ZNF121: variants seen among roughly 807,000 people sequenced by gnomAD.
ZNF121 encodes zinc finger protein 121 (clone ZHC32).
Under a neutral mutation model 2.4 loss-of-function variants are expected in ZNF121, and 1 was observed. That is an observed-to-expected ratio of 0.41 (90% CI 0.15 to 1.94). The LOEUF is 1.94. Ranked by LOEUF, ZNF121 falls within the 30% of genes most tolerant of loss-of-function variation. ZNF121 has a pLI of 0.30. For missense variants in ZNF121, 369 were observed against 466.3 expected (o/e 0.79, Z 1.92); for synonymous variants, 173 against 158.6 (o/e 1.09, Z -0.68).
At chr19:9,582,399 T>C (rs1169299007) in intron 1 of ZNF121, among the ~76,000 whole-genome samples, 2 of 152,166 alleles carry the variant, frequency 1.3e-5, no homozygotes, top group Non-Finnish European at 2.9e-5. Flanking sequence ...ACATTCCTTC[T>C]CCTGGACAAT....
At chr19:9,572,227 G>A (rs2074179320) in intron 1 of ZNF121, among the ~76,000 whole-genome samples, 1 of 152,162 alleles carries the variant, frequency 6.6e-6, no homozygotes, top group Admixed American at 6.6e-5. Flanking sequence ...TAAAAATTAG[G>A]CAGTTTCTGG....
Position 9,567,009 on chromosome 19 carries a change from G to A in ZNF121, c.104C>T (p.Thr35Ile). The change falls in exon 4 of 4, where the codon ACA (threonine) becomes ATA (isoleucine). Residue 35 changes from threonine to isoleucine, a missense_variant. Coordinates refer to ENST00000320451, the MANE Select transcript of ZNF121 (RefSeq NM_001008727.5). Reference sequence around the variant, plus strand: ...CTCATCACAGTCATAAGTGTCCCCTGTATTTTCAGTTCCCATGTGTGCATT... The same window carrying A: ...CTCATCACAGTCATAAGTGTCCCCTATATTTTCAGTTCCCATGTGTGCATT... ...CLNAHMGTEN[T>I]GDTYDCDEYG... 6.2e-7 allele frequency: 1 copy of A among 1,614,108 alleles called. No homozygotes were observed. The highest frequency in any genetic ancestry group is 1.1e-5 in the South Asian group (1 of 91,086).
Position 9,560,495 on chromosome 19 carries a change from C to G in ZNF121, c.*5445G>C, listed in dbSNP as rs1234126820. The G allele has an allele frequency of 6.6e-6, 1 of 152,202 alleles. No homozygotes were observed. The highest frequency in any genetic ancestry group is 2.4e-5 in the African/African-American group (1 of 41,454). 9.4% of individuals were successfully genotyped at this position (152,202 alleles called of 1,614,324 possible). A position where few individuals can be genotyped will look rare whatever the true frequency, so the allele number is the denominator to read the frequency against. ...GACACTCAATACCCATTGAACAACT[C>G]ATTTTCTCCTCCACCAGCTTGTGGC... On this transcript the variant is annotated 3_prime_UTR_variant, in exon 4 of 4. Coordinates refer to ENST00000320451, the MANE Select transcript of ZNF121 (RefSeq NM_001008727.5).
At chr19:9,570,553 C>T (rs2074166563) in intron 1 of ZNF121, among the ~76,000 whole-genome samples, 1 of 151,980 alleles carries the variant, frequency 6.6e-6, no homozygotes, top group African/African-American at 2.4e-5. Flanking sequence ...AGATGAGTTC[C>T]CTGGGTTTTT....
intron 1 of ZNF121, among the ~76,000 whole-genome samples, chr19:9,577,996 T>A (rs1272797235): frequency 1.4e-5 from 2 of 140,668 alleles, no homozygotes; most frequent in Non-Finnish European, 3.1e-5. Flanking sequence ...ATCAAGACCA[T>A]CCCGGCTAAC....
rs1387773933 is a variant in ZNF121 at position 9,564,025 on chromosome 19, A to C, written c.*1915T>G. On this transcript the variant is annotated 3_prime_UTR_variant, in exon 4 of 4. Transcript: ENST00000320451. ...CATGTCTGCTAACCGCAGCCCATGGATTCTGGAATAATTCTGACTTTCAAG... is the reference window on the plus strand; with the variant it reads ...CATGTCTGCTAACCGCAGCCCATGGCTTCTGGAATAATTCTGACTTTCAAG... The C allele has an allele frequency of 6.6e-6, 1 of 152,220 alleles. No individual in the cohort carries two copies. The highest frequency in any genetic ancestry group is 1.5e-5 in the Non-Finnish European group (1 of 68,042). The allele number at this position is 152,220 out of a possible 1,614,324, so 9.4% of individuals were successfully genotyped here.
intron 1 of ZNF121, among the ~76,000 whole-genome samples, chr19:9,569,534 TTTTG>T (rs1185802370): frequency 2.0e-5 from 3 of 151,664 alleles, no homozygotes; most frequent in Admixed American, 2.0e-4. Context: ...TGTTTTCTGG[TTTTG>T]TTTTTTTTTT....
Position 9,568,640 on chromosome 19 carries a change from C to T in ZNF121, c.-79+362G>A, listed in dbSNP as rs143142558. On this transcript the variant is annotated intron_variant, in intron 2 of 3. Transcript: ENST00000320451. ...CCACCCGCCTCAGCCTCCCAAAGTGCTGGGATTACAGGCATAAGCCACCAT... is the reference window on the plus strand; with the variant it reads ...CCACCCGCCTCAGCCTCCCAAAGTGTTGGGATTACAGGCATAAGCCACCAT... 7.7e-3 allele frequency among the ~76,000 whole-genome samples: 1,166 copies of T among 152,216 alleles called. 5 individuals carry two copies. Among genetic ancestry groups the T allele is most frequent in the Middle Eastern group, 0.031 (9 of 294 alleles).
chr19:9,582,213 C>T (rs1249591526), intron 1 of ZNF121, among the ~76,000 whole-genome samples: 6 of 152,208 alleles, frequency 3.9e-5, no homozygotes, highest in Non-Finnish European at 8.8e-5. Flanking sequence ...TGTCAGGCCT[C>T]TGAGCCGAAG....
intron 1 of ZNF121, among the ~76,000 whole-genome samples, chr19:9,583,023 C>A (rs953747420): frequency 7.9e-6 from 1 of 126,120 alleles, no homozygotes; most frequent in Non-Finnish European, 1.6e-5. Flanking sequence ...ACCAGCCTGG[C>A]GAGCATGGTG....
intron 1 of ZNF121, among the ~76,000 whole-genome samples, chr19:9,583,216 G>GA (rs1246515681): frequency 1.3e-5 from 2 of 149,962 alleles, no homozygotes; most frequent in Non-Finnish European, 3.0e-5. Context: ...GACTCCGTCT[G>GA]AAAAAAACAA....
intron 1 of ZNF121, among the ~76,000 whole-genome samples, chr19:9,576,755 TAAA>T (rs979877804): frequency 6.6e-6 from 1 of 151,382 alleles, no homozygotes; most frequent in African/African-American, 2.4e-5. Flanking sequence ...AGGACCCAAA[TAAA>T]ATAAAAAATG....
rs181262879 is a variant in ZNF121, at chr19:9,579,558, G to A, written c.-160+4903C>T. Among the ~76,000 whole-genome samples, 81 of 152,254 alleles carry A rather than the reference G, an allele frequency of 5.3e-4. 1 individual carries two copies. In the South Asian group the frequency reaches 0.016, roughly 29 times the overall value. On this transcript the variant is annotated intron_variant, in intron 1 of 3. Coordinates refer to ENST00000320451, the MANE Select transcript of ZNF121 (RefSeq NM_001008727.5). Reference sequence around the variant, plus strand: ...AAATTAGCTGGGAATTGTGGCGTGCGCCTGTAGTCCCAGGCAGGAGAATCA... The same window carrying A: ...AAATTAGCTGGGAATTGTGGCGTGCACCTGTAGTCCCAGGCAGGAGAATCA...
rs748823801 is a variant in ZNF121, at chr19:9,566,489, G to C, written c.624C>G (p.Ala208=). 6.2e-7 allele frequency: 1 copy of C among 1,613,978 alleles called. No individual in the cohort carries two copies. Among genetic ancestry groups the C allele is most frequent in the South Asian group, 1.1e-5 (1 of 91,072 alleles). The change falls in exon 4 of 4, where the codon GCC becomes GCG. Residue 208 remains alanine, a synonymous_variant. Transcript: ENST00000320451. ...KPYQCKECGR[A]FAGRSGLTKH... ...TAGTAAGGCCTGAGCGCCCAGCGAAGGCTCTTCCACATTCCTTACATTGAT... is the reference window on the plus strand; with the variant it reads ...TAGTAAGGCCTGAGCGCCCAGCGAACGCTCTTCCACATTCCTTACATTGAT...
rs2074101866 is a variant in ZNF121, at chr19:9,561,745, G to A, written c.*4195C>T. On this transcript the variant is annotated 3_prime_UTR_variant, in exon 4 of 4. Transcript: ENST00000320451. ...CTACGAATAAAAAAATTAAGTGGGTGCGTTAGCATGTGCCTGTGGTCCCAG... is the reference window on the plus strand; with the variant it reads ...CTACGAATAAAAAAATTAAGTGGGTACGTTAGCATGTGCCTGTGGTCCCAG... The A allele has an allele frequency of 6.6e-6, 1 of 151,966 alleles. No homozygotes were observed. The highest frequency in any genetic ancestry group is 2.4e-5 in the African/African-American group (1 of 41,382). The allele number at this position is 151,966 out of a possible 1,614,324, so 9.4% of individuals were successfully genotyped here. A position where few individuals can be genotyped will look rare whatever the true frequency, so the allele number is the denominator to read the frequency against.
chr19:9,566,474 T>G lies in ZNF121; in HGVS notation c.639A>C (p.Ser213=), dbSNP rs2074132680. The part of the protein sequence containing the change: ...KECGRAFAGR[S]GLTKHVRIHT... ...GTATTCGTACATGTTTAGTAAGGCCTGAGCGCCCAGCGAAGGCTCTTCCAC... is the reference window on the plus strand; with the variant it reads ...GTATTCGTACATGTTTAGTAAGGCCGGAGCGCCCAGCGAAGGCTCTTCCAC... Residue 213 remains serine (S), a synonymous_variant, in exon 4 of 4, where the codon TCA becomes TCC. Coordinates refer to ENST00000320451, the MANE Select transcript of ZNF121 (RefSeq NM_001008727.5). The G allele has an allele frequency of 6.2e-6, 10 of 1,613,990 alleles. No individual in the cohort carries two copies. In the East Asian group the frequency reaches 2.2e-4, roughly 36 times the overall value.
intron 3 of ZNF121, among the ~76,000 whole-genome samples, 153 bp downstream of exon 3, chr19:9,567,942 C>T (rs1175403254): frequency 1.3e-5 from 2 of 152,164 alleles, no homozygotes; most frequent in Non-Finnish European, 2.9e-5. Flanking sequence ...CTAACACTAA[C>T]AGAAACAGTA....
chr19:9,572,597 G>T (rs1206656919), intron 1 of ZNF121, among the ~76,000 whole-genome samples: 1 of 152,140 alleles, frequency 6.6e-6, no homozygotes, highest in East Asian at 1.9e-4. Flanking sequence ...CGCTACACAG[G>T]TCACCTGGGC....
chr19:9,565,748 C>A lies in ZNF121; in HGVS notation c.*192G>T. The A allele has an allele frequency of 2.7e-6, 1 of 376,450 alleles. No individual in the cohort carries two copies. Among genetic ancestry groups the A allele is most frequent in the African/African-American group, 2.1e-5 (1 of 48,380 alleles). The allele number at this position is 376,450 out of a possible 1,614,324, so 23.3% of individuals were successfully genotyped here. On this transcript the variant is annotated 3_prime_UTR_variant, in exon 4 of 4. Transcript: ENST00000320451. ...AAAAAAGATTCCATTGGCTCCCTAA[C>A]ATTCCTAAAATTTATAGGGGACACA...
Sources: allele counts gnomAD v4.1 joint callset (sites outside exome capture counted in the v4.1 genomes callset), GRCh38; gene constraint gnomAD v4.1.1; transcripts MANE v1.5; gene names NCBI Gene and HGNC (gene_info 2026-07-23, HGNC 2026-07-21).